The following KDM4C variants were observed in gnomAD, a reference collection of about 807,000 sequenced individuals.
KDM4C encodes the protein lysine demethylase 4C.
Under a neutral mutation model 129.3 loss-of-function variants are expected in KDM4C, and 81 were observed. The ratio of observed to expected loss-of-function variants is 0.63; its 90% CI spans 0.52 to 0.75. KDM4C has a LOEUF of 0.75. Ranked by LOEUF, KDM4C falls within the 30% of genes least tolerant of loss-of-function variation. The pLI, the probability that KDM4C is intolerant of heterozygous loss-of-function variation, is 0.00. For synonymous variants in KDM4C, 573 were observed against 456.1 expected, an observed-to-expected ratio of 1.26 and a Z score of -3.26; for missense variants, 1,457 against 1,304.0, an observed-to-expected ratio of 1.12 and a Z score of -1.81.
chr9:6,802,195 C>T (rs1228794121), intron 2 of KDM4C, among the ~76,000 whole-genome samples: 1 of 151,454 alleles, frequency 6.6e-6, no homozygotes, highest in Non-Finnish European at 1.5e-5. Flanking sequence ...AAATAAAATT[C>T]ACACTTGAGT....
At chr9:6,984,556 C>T (rs1187653463) in intron 10 of KDM4C, 152 bp downstream of exon 10, 3 of 614,726 alleles carry the variant, frequency 4.9e-6, no homozygotes, top group Admixed American at 2.6e-5. Context: ...ACCAATAGTC[C>T]CAGGGAATAT....
rs148568513 is a variant in KDM4C, at chr9:7,041,351, A to G, written c.2260-5511A>G. Among the ~76,000 whole-genome samples the G allele has an allele frequency of 4.4e-3, 676 of 152,128 alleles. 3 individuals carry two copies. Among genetic ancestry groups the G allele is most frequent in the Non-Finnish European group, 6.7e-3 (454 of 67,948 alleles). On this transcript the variant is annotated intron_variant, in intron 15 of 21. Transcript: ENST00000381309. ...GATACTAAGCTGTTTTATATAAAGG[A>G]CTTCAGCATCTCTGGATTTTGGTAT...
intron 1 of KDM4C, among the ~76,000 whole-genome samples, chr9:6,738,068 A>T (rs1367858828): frequency 6.6e-6 from 1 of 151,648 alleles, no homozygotes; most frequent in Non-Finnish European, 1.5e-5. Context: ...CGGGAGGCAG[A>T]GGTTGCAGTG....
intron 10 of KDM4C, among the ~76,000 whole-genome samples, chr9:6,985,449 A>G (rs747272340): frequency 5.3e-5 from 8 of 152,148 alleles, no homozygotes; most frequent in African/African-American, 7.2e-5. Context: ...CATAATTACA[A>G]TCCAATGTGG....
intron 8 of KDM4C, among the ~76,000 whole-genome samples, chr9:6,956,191 TGTG>T (rs1464968420): frequency 1.3e-5 from 2 of 152,298 alleles, no homozygotes; most frequent in African/African-American, 2.4e-5. Context: ...GATACCACAA[TGTG>T]GTGACTATAG....
chr9:7,059,945 G>GT (rs1283948490), intron 17 of KDM4C, among the ~76,000 whole-genome samples: 7 of 152,002 alleles, frequency 4.6e-5, no homozygotes, highest in South Asian at 4.1e-4. Flanking sequence ...ATAAATAGAA[G>GT]TTTTTTGTGA....
At chr9:6,893,545 G>C (rs1846404498) in intron 8 of KDM4C, 1 of 193,294 alleles carries the variant, frequency 5.2e-6, no homozygotes, top group Non-Finnish European at 1.1e-5. Flanking sequence ...GCATCATGTG[G>C]CTCCATGTTA....
chr9:6,813,863 A>T (rs544338273), intron 3 of KDM4C, among the ~76,000 whole-genome samples: 13 of 152,180 alleles, frequency 8.5e-5, no homozygotes, highest in Admixed American at 8.5e-4. Context: ...TTCACTGTGG[A>T]TAGAATTTGA....
At chr9:6,822,392 T>C (rs578255758) in intron 4 of KDM4C, among the ~76,000 whole-genome samples, 13 of 152,316 alleles carry the variant, frequency 8.5e-5, no homozygotes, top group African/African-American at 2.4e-4. Context: ...ATAAATAAAA[T>C]TGGAATGTTC....
At chr9:7,131,842 C>T (rs1319927735) in intron 19 of KDM4C, among the ~76,000 whole-genome samples, 7 of 152,172 alleles carry the variant, frequency 4.6e-5, no homozygotes, top group Non-Finnish European at 1.0e-4. Context: ...ACACTAACTA[C>T]ATTTCACATT....
At chr9:6,968,518 A>G (rs1831399003) in intron 8 of KDM4C, among the ~76,000 whole-genome samples, 1 of 152,204 alleles carries the variant, frequency 6.6e-6, no homozygotes, top group South Asian at 2.1e-4. Context: ...CTGTGGTTAA[A>G]CAATAATTAA....
At chr9:7,155,902 T>A (rs535905560) in intron 19 of KDM4C, among the ~76,000 whole-genome samples, 190 of 152,384 alleles carry the variant, frequency 1.2e-3, no homozygotes, top group African/African-American at 4.4e-3. Flanking sequence ...TCAAATGGTA[T>A]TTCTAGTTCT....
chr9:6,822,997 C>G (rs1024618135), intron 4 of KDM4C, among the ~76,000 whole-genome samples: 1 of 152,170 alleles, frequency 6.6e-6, no homozygotes, highest in Non-Finnish European at 1.5e-5. Context: ...GGCTGCATTT[C>G]TAGCAATACC....
chr9:6,770,730 A>G (rs1339910444), intron 1 of KDM4C, among the ~76,000 whole-genome samples: 1 of 117,514 alleles, frequency 8.5e-6, no homozygotes, highest in Non-Finnish European at 1.8e-5. Context: ...TTTTTTCAAT[A>G]TAGCCGGTAT....
At chr9:6,752,484 T>C (rs373211146) in intron 1 of KDM4C, among the ~76,000 whole-genome samples, 9 of 149,850 alleles carry the variant, frequency 6.0e-5, no homozygotes, top group African/African-American at 2.2e-4. Context: ...GATCTCGGCT[T>C]ACTGCAATCT....
chr9:6,830,375 T>C (rs1031790741), intron 4 of KDM4C, among the ~76,000 whole-genome samples: 2 of 152,162 alleles, frequency 1.3e-5, no homozygotes, highest in Admixed American at 6.6e-5. Flanking sequence ...GTGGAGCTGC[T>C]TCCCACACCC....
At chr9:6,751,981 T>A (rs1390431292) in intron 1 of KDM4C, among the ~76,000 whole-genome samples, 1 of 152,138 alleles carries the variant, frequency 6.6e-6, no homozygotes, top group East Asian at 1.9e-4. Flanking sequence ...GGTTCTTGTT[T>A]GTGATACCAA....
intron 8 of KDM4C, among the ~76,000 whole-genome samples, chr9:6,957,544 G>A (rs568404445): frequency 6.6e-6 from 1 of 152,120 alleles, no homozygotes; most frequent in African/African-American, 2.4e-5. Context: ...CAGTGGTAGT[G>A]GCAGCGACAT....
chr9:7,020,083 C>G lies in KDM4C; in HGVS notation c.2259+4154C>G, dbSNP rs537815844. 1.7e-4 allele frequency among the ~76,000 whole-genome samples: 26 copies of G among 152,172 alleles called. No individual in the cohort carries two copies. The South Asian group carries it at 4.1e-3, about 24-fold the overall frequency. On this transcript the variant is annotated intron_variant, in intron 15 of 21. Coordinates refer to ENST00000381309, the MANE Select transcript of KDM4C (RefSeq NM_015061.6). ...TTCTAAAGATTAGCTTCAGACGTCA[C>G]TCTGATTCATTGTGTTCCCATTTTC...
Sources: allele counts gnomAD v4.1 joint callset (sites outside exome capture counted in the v4.1 genomes callset), GRCh38; gene constraint gnomAD v4.1.1; transcripts MANE v1.5; gene names NCBI Gene and HGNC (gene_info 2026-07-23, HGNC 2026-07-21).